Variants in KDM4C observed in about 807,000 individuals in gnomAD.
KDM4C encodes lysine demethylase 4C.
Under a neutral mutation model 129.3 loss-of-function variants are expected in KDM4C, and 81 were observed. The observed-to-expected ratio is 0.63, with a 90% CI of 0.52 to 0.75. KDM4C has a LOEUF of 0.75. Ranked by LOEUF, KDM4C falls within the 30% of genes least tolerant of loss-of-function variation. The pLI, the probability that KDM4C is intolerant of heterozygous loss-of-function variation, is 0.00. For missense variants in KDM4C, 1,457 were observed against 1,304.0 expected (o/e 1.12, Z -1.81); for synonymous variants, 573 against 456.1 (o/e 1.26, Z -3.26).
chr9:6,979,532 A>G (rs1381195731), intron 8 of KDM4C, among the ~76,000 whole-genome samples: 1 of 152,172 alleles, frequency 6.6e-6, no homozygotes, highest in East Asian at 1.9e-4. Flanking sequence ...TTGGTGGAGT[A>G]AAGTCTTGGA....
rs1406832359 is a variant in KDM4C at position 6,893,083 on chromosome 9, C to T, written c.784-12C>T. 3 of 1,510,072 alleles carry T rather than the reference C, an allele frequency of 2.0e-6. No homozygotes were observed. The highest frequency in any genetic ancestry group is 2.7e-6 in the Non-Finnish European group (3 of 1,127,576). 93.5% of individuals were successfully genotyped at this position (1,510,072 alleles called of 1,614,324 possible). ...TATTTTTACAAAATATTATATGTTT[C>T]CTACCTTGCAGATAACCCAGGAGGC... On this transcript the variant is annotated splice_polypyrimidine_tract_variant and intron_variant, in intron 7 of 21. Transcript: ENST00000381309.
At chr9:6,736,966 G>A (rs57315904) in intron 1 of KDM4C, among the ~76,000 whole-genome samples, 4 of 148,392 alleles carry the variant, frequency 2.7e-5, no homozygotes. Context: ...CACAAGTATC[G>A]CTTGAACCTG....
chr9:7,081,010 C>G (rs1048829721), intron 17 of KDM4C, among the ~76,000 whole-genome samples: 1 of 152,206 alleles, frequency 6.6e-6, no homozygotes, highest in Admixed American at 6.5e-5. Context: ...AGGCACACGA[C>G]AGAGACTAAT....
In KDM4C at chr9:6,740,854, G is replaced by A. The variant is rs531684984; in HGVS notation, c.49+19857G>A. On this transcript the variant is annotated intron_variant, in intron 1 of 17. Transcript: ENST00000536108. The stretch of plus-strand genomic sequence containing the variant: ...TTATTTTCTTTTTTTTTGAGACGGA[G>A]TCTCACTCTGTTGTCCAAGTTGGAT... Among the ~76,000 whole-genome samples, 5 of 151,770 alleles carry A rather than the reference G, an allele frequency of 3.3e-5. No individual in the cohort carries two copies. In the South Asian group the frequency reaches 6.3e-4, roughly 19 times the overall value.
intron 8 of KDM4C, among the ~76,000 whole-genome samples, chr9:6,954,559 A>C (rs1828738680): frequency 6.6e-6 from 1 of 152,156 alleles, no homozygotes; most frequent in Admixed American, 6.5e-5. Context: ...TTATTGATCT[A>C]TCTATAAAAT....
intron 1 of KDM4C, among the ~76,000 whole-genome samples, chr9:6,751,011 A>T (rs1818047565): frequency 6.6e-6 from 1 of 152,170 alleles, no homozygotes; most frequent in Non-Finnish European, 1.5e-5. Flanking sequence ...TTCTCTGGTA[A>T]GCTAGAAGAA....
chr9:7,075,420 C>T lies in KDM4C; in HGVS notation c.2424+26220C>T, dbSNP rs1261018281. On this transcript the variant is annotated intron_variant, in intron 17 of 21. Coordinates refer to ENST00000381309, the MANE Select transcript of KDM4C (RefSeq NM_015061.6). The stretch of plus-strand genomic sequence containing the variant: ...TGGAGGTTTTTGAGTCTCTGGGGTG[C>T]TTCCCTCATGAATGGATGAATGCCC... Among the ~76,000 whole-genome samples, 4 of 152,130 alleles carry T rather than the reference C, an allele frequency of 2.6e-5. No individual in the cohort carries two copies. In the East Asian group the frequency reaches 7.7e-4, roughly 29 times the overall value.
At chr9:6,878,340 T>A (rs1843890274) in intron 5 of KDM4C, among the ~76,000 whole-genome samples, 1 of 152,194 alleles carries the variant, frequency 6.6e-6, no homozygotes, top group African/African-American at 2.4e-5. Flanking sequence ...TTTATAGAAT[T>A]TGAAAAGAAA....
intron 8 of KDM4C, among the ~76,000 whole-genome samples, chr9:6,895,261 A>C (rs976088671): frequency 6.6e-6 from 1 of 152,232 alleles, no homozygotes; most frequent in African/African-American, 2.4e-5. Context: ...TTAAATGTCA[A>C]GATGTTTGCA....
At chr9:7,100,629 C>A (rs1251975408) in intron 17 of KDM4C, among the ~76,000 whole-genome samples, 2 of 152,190 alleles carry the variant, frequency 1.3e-5, no homozygotes, top group Non-Finnish European at 2.9e-5. Context: ...CATGAGCCAC[C>A]ACTCTCAGCC....
chr9:6,791,877 C>G (rs1826705513), intron 1 of KDM4C, among the ~76,000 whole-genome samples: 1 of 151,924 alleles, frequency 6.6e-6, no homozygotes, highest in East Asian at 1.9e-4. Flanking sequence ...ACAAAATTAC[C>G]TGGGTGTGGT....
At chr9:6,981,141 A>T in intron 9 of KDM4C, 23 bp downstream of exon 9, 1 of 1,577,246 alleles carries the variant, frequency 6.3e-7, no homozygotes, top group South Asian at 1.2e-5. Flanking sequence ...CACCCCACTG[A>T]CCTGCCTTGC....
chr9:6,885,476 G>A (rs1845108812), intron 6 of KDM4C, among the ~76,000 whole-genome samples: 1 of 152,088 alleles, frequency 6.6e-6, no homozygotes, highest in Non-Finnish European at 1.5e-5. Flanking sequence ...TTGCTTTTAG[G>A]GTTTTAGGGC....
chr9:6,735,924 T>C lies in KDM4C; in HGVS notation c.49+14927T>C, dbSNP rs147455448. Among the ~76,000 whole-genome samples, 1,445 of 152,306 alleles carry C rather than the reference T, an allele frequency of 9.5e-3. 22 individuals are homozygous for C. Among genetic ancestry groups the C allele is most frequent in the African/African-American group, 0.033 (1,376 of 41,564 alleles). On this transcript the variant is annotated intron_variant, in intron 1 of 17. Coordinates refer to the KDM4C transcript ENST00000536108. Reference sequence around the variant, plus strand: ...TCCCTAGAGACTTGTTGAATGGCTTTGACCAAAATGCTGATAGTATTATGG... The same window carrying C: ...TCCCTAGAGACTTGTTGAATGGCTTCGACCAAAATGCTGATAGTATTATGG...
At chr9:7,093,908 C>G (rs1190986611) in intron 17 of KDM4C, among the ~76,000 whole-genome samples, 1 of 152,142 alleles carries the variant, frequency 6.6e-6, no homozygotes, top group Non-Finnish European at 1.5e-5. Flanking sequence ...GCACGACTGT[C>G]TTTAGAATGT....
At chr9:7,090,335 AG>A (rs1009920898) in intron 17 of KDM4C, among the ~76,000 whole-genome samples, 12 of 152,216 alleles carry the variant, frequency 7.9e-5, no homozygotes, top group African/African-American at 2.4e-4. Flanking sequence ...GGGGTTTTGT[AG>A]AAAAAAATAA....
chr9:6,838,008 A>G (rs1265139714), intron 4 of KDM4C, among the ~76,000 whole-genome samples: 2 of 152,136 alleles, frequency 1.3e-5, no homozygotes, highest in Non-Finnish European at 2.9e-5. Flanking sequence ...TGTCCTAAAT[A>G]TTATATTCTG....
chr9:6,769,808 T>C (rs11792238), intron 1 of KDM4C, among the ~76,000 whole-genome samples: 27,747 of 152,036 alleles, frequency 0.18, 2,948 homozygotes, highest in East Asian at 0.39. Flanking sequence ...CAAAGAAAAA[T>C]TATGAATTAG....
At chr9:7,000,663 A>T (rs1268123419) in intron 12 of KDM4C, among the ~76,000 whole-genome samples, 1 of 151,994 alleles carries the variant, frequency 6.6e-6, no homozygotes, top group Non-Finnish European at 1.5e-5. Context: ...AATATTTGAA[A>T]TTTTTTTTAC....
Sources: gnomAD v4.1 joint callset for allele counts (sites outside exome capture counted in the v4.1 genomes callset) on GRCh38, gnomAD v4.1.1 for gene constraint, MANE v1.5 for transcripts, NCBI Gene and HGNC (gene_info 2026-07-23, HGNC 2026-07-21) for gene names.